MACROD2: variants seen among roughly 807,000 people sequenced by gnomAD.
MACROD2 encodes ADP-ribose glycohydrolase MACROD2.
Under a neutral mutation model 70.4 loss-of-function variants are expected in MACROD2, and 36 were observed. That is an observed-to-expected ratio of 0.51 (90% CI 0.39 to 0.68). The LOEUF (loss-of-function observed/expected upper bound fraction) is 0.68. MACROD2 is among the 30% of genes least tolerant of loss of function. MACROD2 has a pLI of 0.00. For missense variants in MACROD2, 496 were observed against 538.4 expected (o/e 0.92, Z 0.78); for synonymous variants, 172 against 178.8 (o/e 0.96, Z 0.30).
At chr20:15,564,977 A>C (rs1415707625) in intron 8 of MACROD2, among the ~76,000 whole-genome samples, 1 of 152,178 alleles carries the variant, frequency 6.6e-6, no homozygotes, top group Non-Finnish European at 1.5e-5. Flanking sequence ...TTCACCTTTA[A>C]ATTTTGCCAG....
At chr20:15,817,181 A>T (rs2063886122) in intron 8 of MACROD2, among the ~76,000 whole-genome samples, 1 of 152,238 alleles carries the variant, frequency 6.6e-6, no homozygotes, top group Non-Finnish European at 1.5e-5. Context: ...GAATGCTTCA[A>T]GTACTCAGTT....
At chr20:15,339,099 C>T (rs974146715) in intron 6 of MACROD2, among the ~76,000 whole-genome samples, 1 of 151,554 alleles carries the variant, frequency 6.6e-6, no homozygotes, top group Admixed American at 6.6e-5. Context: ...GAATATTCAC[C>T]GTGATTAGAA....
intron 6 of MACROD2, among the ~76,000 whole-genome samples, chr20:15,335,063 C>A (rs1049982195): frequency 6.6e-6 from 1 of 151,714 alleles, no homozygotes; most frequent in African/African-American, 2.4e-5. Flanking sequence ...CAGTCAGAGT[C>A]TAGACTGTTT....
rs1437875710 is a variant in MACROD2, at chr20:14,105,215, G to A, written c.271+19487G>A. Among the ~76,000 whole-genome samples, 3 of 152,208 alleles carry A rather than the reference G, an allele frequency of 2.0e-5. No individual in the cohort carries two copies. The East Asian group carries it at 5.8e-4, about 29-fold the overall frequency. The stretch of plus-strand genomic sequence containing the variant: ...AATGAGATGAGGAATCATAGTACCT[G>A]ATTGTAACTTCATATTGCTGAAAGA... On this transcript the variant is annotated intron_variant, in intron 3 of 17. Transcript: ENST00000684519.
chr20:14,762,611 C>A (rs1410569088), intron 5 of MACROD2, among the ~76,000 whole-genome samples: 1 of 152,056 alleles, frequency 6.6e-6, no homozygotes, highest in African/African-American at 2.4e-5. Flanking sequence ...TTGCCTATGT[C>A]AGTGTGGAAC....
chr20:15,587,532 C>G (rs1377650404), intron 8 of MACROD2, among the ~76,000 whole-genome samples: 1 of 152,168 alleles, frequency 6.6e-6, no homozygotes, highest in Non-Finnish European at 1.5e-5. Flanking sequence ...ATCTGACGGA[C>G]AAGGCAAGTC....
At chr20:15,964,975 A>G (rs2066118437) in intron 12 of MACROD2, among the ~76,000 whole-genome samples, 1 of 152,192 alleles carries the variant, frequency 6.6e-6, no homozygotes, top group African/African-American at 2.4e-5. Context: ...TCGTGCTGAT[A>G]TGACATCCTT....
chr20:14,050,415 C>T (rs1380804547), intron 2 of MACROD2, among the ~76,000 whole-genome samples: 1 of 152,204 alleles, frequency 6.6e-6, no homozygotes, highest in Non-Finnish European at 1.5e-5. Flanking sequence ...TGCAAGCACA[C>T]ACACTAAAAC....
intron 13 of MACROD2, among the ~76,000 whole-genome samples, chr20:15,968,261 C>T (rs1277612189): frequency 6.6e-6 from 1 of 152,184 alleles, no homozygotes; most frequent in Non-Finnish European, 1.5e-5. Context: ...CCTTAACCTT[C>T]TTCTTCCACA....
chr20:15,895,228 T>G (rs1308763854), intron 10 of MACROD2, among the ~76,000 whole-genome samples: 2 of 152,228 alleles, frequency 1.3e-5, no homozygotes, highest in African/African-American at 4.8e-5. Context: ...AGGAACATCA[T>G]TCCCGAATCC....
At chr20:15,930,789 A>C (rs1037483087) in intron 10 of MACROD2, among the ~76,000 whole-genome samples, 1 of 152,202 alleles carries the variant, frequency 6.6e-6, no homozygotes, top group Non-Finnish European at 1.5e-5. Flanking sequence ...GACTAGGTAA[A>C]CTGCCAGACT....
intron 7 of MACROD2, among the ~76,000 whole-genome samples, chr20:15,485,094 A>G (rs528568468): frequency 6.6e-6 from 1 of 151,688 alleles, no homozygotes; most frequent in East Asian, 1.9e-4. Context: ...CCGCCTATAT[A>G]TTGTTATTCT....
chr20:14,045,358 C>T (rs2053457765), intron 2 of MACROD2, among the ~76,000 whole-genome samples: 1 of 152,192 alleles, frequency 6.6e-6, no homozygotes, highest in Admixed American at 6.5e-5. Flanking sequence ...ACATCAGAGA[C>T]GTTTTCTTCT....
chr20:14,189,240 T>TA (rs1263506866), intron 3 of MACROD2, among the ~76,000 whole-genome samples: 3 of 152,154 alleles, frequency 2.0e-5, no homozygotes, highest in Non-Finnish European at 4.4e-5. Context: ...AACATAATGT[T>TA]AAAAAAACTC....
chr20:14,694,868 T>C (rs2071103890), intron 5 of MACROD2, among the ~76,000 whole-genome samples: 1 of 152,192 alleles, frequency 6.6e-6, no homozygotes, highest in Non-Finnish European at 1.5e-5. Context: ...ACAGCTTTAT[T>C]GGTTTTAAAG....
intron 8 of MACROD2, among the ~76,000 whole-genome samples, chr20:15,822,695 G>A (rs776402716): frequency 1.3e-5 from 2 of 152,132 alleles, no homozygotes; most frequent in African/African-American, 4.8e-5. Context: ...AAGACCAACT[G>A]TGATTTTTAT....
At chr20:15,869,230 TATATATATAGAG>T (rs1221286675) in intron 9 of MACROD2, among the ~76,000 whole-genome samples, 2 of 37,682 alleles carry the variant, frequency 5.3e-5, no homozygotes, top group Admixed American at 3.0e-4. Context: ...TATATATATA[TATATATATAGAG>T]AGAGAGAGAG....
At chr20:14,348,026 C>T (rs934265145) in intron 3 of MACROD2, among the ~76,000 whole-genome samples, 3 of 152,066 alleles carry the variant, frequency 2.0e-5, no homozygotes, top group African/African-American at 7.2e-5. Flanking sequence ...TTTTGGGAGG[C>T]TGAGGCAGGT....
chr20:15,456,558 T>A (rs1448758475), intron 7 of MACROD2, among the ~76,000 whole-genome samples: 1 of 127,026 alleles, frequency 7.9e-6, no homozygotes, highest in Non-Finnish European at 1.7e-5. Context: ...AATTAAGTGC[T>A]TCTGGTGTGA....
Sources: allele counts gnomAD v4.1 joint callset (sites outside exome capture counted in the v4.1 genomes callset), GRCh38; gene constraint gnomAD v4.1.1; transcripts MANE v1.5; gene names NCBI Gene and HGNC (gene_info 2026-07-23, HGNC 2026-07-21).